The following ZSCAN12 variants were observed in gnomAD, a reference collection of about 807,000 sequenced individuals.
ZSCAN12 encodes the protein zinc finger and SCAN domain containing 12.
Under a neutral mutation model 23.4 loss-of-function variants are expected in ZSCAN12, and 18 were observed. The ratio of observed to expected loss-of-function variants is 0.77; its 90% confidence interval spans 0.53 to 1.14. The LOEUF (loss-of-function observed/expected upper bound fraction) is 1.14. Ranked by LOEUF, ZSCAN12 falls within the 50% of genes most tolerant of loss-of-function variation. ZSCAN12 has a pLI of 0.00. For synonymous variants in ZSCAN12, 186 were observed against 253.4 expected (o/e 0.73, Z 2.53); for missense variants, 650 against 735.0 (o/e 0.88, Z 1.34).
downstream of ZSCAN12, chr6:28,382,537 C>T (rs375774237): frequency 4.5e-5 from 70 of 1,551,788 alleles, no homozygotes; most frequent in Non-Finnish European, 5.8e-5. Flanking sequence ...TGAGAGAGCT[C>T]AGGAGAAGAT....
rs538703367 is a variant in ZSCAN12 at position 28,385,420 on chromosome 6, G to A, written c.*5034C>T. Among the ~76,000 whole-genome samples, 7 of 152,226 alleles carry A rather than the reference G, an allele frequency of 4.6e-5. No individual in the cohort carries two copies. In the East Asian group the frequency reaches 1.4e-3, roughly 29 times the overall value. On this transcript the variant is annotated 3_prime_UTR_variant, in exon 4 of 4. Transcript: ENST00000684592. ...AGGGGGTGATAATATTATTACCTGAGGTGTTTGGACTCCAGGACTTTCTGA... is the reference window on the plus strand; with the variant it reads ...AGGGGGTGATAATATTATTACCTGAAGTGTTTGGACTCCAGGACTTTCTGA...
Position 28,391,984 on chromosome 6 carries a change from G to A in ZSCAN12, c.548-242C>T, listed in dbSNP as rs1760864481. The stretch of plus-strand genomic sequence containing the variant: ...GTAGGAGGAAGAGACTAGGTGGCTG[G>A]GAAAATCGAGTAGAATAGAAACTTT... On this transcript the variant is annotated intron_variant, in intron 3 of 3. Coordinates refer to ENST00000684592, the MANE Select transcript of ZSCAN12 (RefSeq NM_001163391.2). The surrounding 1 kb of genome is among the most constrained non-coding windows in gnomAD (Gnocchi z 4.1). 6.6e-6 allele frequency among the ~76,000 whole-genome samples: 1 copy of A among 151,882 alleles called. No homozygotes were observed. The highest frequency in any genetic ancestry group is 1.5e-5 in the Non-Finnish European group (1 of 67,976).
rs1761197965 is a variant in ZSCAN12, at chr6:28,397,988, A to G, written c.402+16T>C. The G allele has an allele frequency of 1.9e-6, 3 of 1,544,260 alleles. No individual in the cohort carries two copies. The East Asian group carries it at 6.8e-5, about 35-fold the overall frequency. ...ATTTATGTTTTCTCAAGCAGAAGTC[A>G]CATCTTTTTTCTCACCTGCTCTCCT... On this transcript the variant is annotated intron_variant, in intron 2 of 3. Coordinates refer to ENST00000684592, the MANE Select transcript of ZSCAN12 (RefSeq NM_001163391.2).
chr6:28,392,863 A>T (rs1561961015), intron 3 of ZSCAN12, 39 bp downstream of exon 3: 11 of 1,549,866 alleles, frequency 7.1e-6, no homozygotes, highest in Non-Finnish European at 7.9e-6. Context: ...TATGTTACCC[A>T]TCTTCCCCTT....
downstream of ZSCAN12, chr6:28,382,657 T>A: frequency 1.3e-6 from 2 of 1,541,650 alleles, no homozygotes; most frequent in Non-Finnish European, 1.7e-6. Flanking sequence ...TTTGTTTACT[T>A]CTTTAGCCAA....
rs2113985690 is a variant in ZSCAN12, at chr6:28,392,781, T to A, written c.547+121A>T. ...TGTCTGAGAGTCTATATATGAGCCA[T>A]CAGATTCTGAGACGGCCTTTTTGAC... On this transcript the variant is annotated intron_variant, in intron 3 of 3. Transcript: ENST00000684592. 9 of 1,105,584 alleles carry A rather than the reference T, an allele frequency of 8.1e-6. No homozygotes were observed. In the East Asian group the frequency reaches 2.3e-4, roughly 29 times the overall value. 68.5% of individuals were successfully genotyped at this position (1,105,584 alleles called of 1,614,324 possible).
downstream of ZSCAN12, chr6:28,382,456 G>A: frequency 6.5e-7 from 1 of 1,542,396 alleles, no homozygotes; most frequent in Non-Finnish European, 8.7e-7. Flanking sequence ...CTTTGTTCTA[G>A]GCACAGCCTT....
In ZSCAN12 at chr6:28,389,951, T is replaced by C. The variant is rs1342676049; in HGVS notation, c.*503A>G. On this transcript the variant is annotated 3_prime_UTR_variant, in exon 4 of 4. Transcript: ENST00000684592. Reference sequence around the variant, plus strand: ...TTGATTGCCCAATTTGCACGAACCTTTTACTTCAGGTTGGCTAGTCTTTTC... The same window carrying C: ...TTGATTGCCCAATTTGCACGAACCTCTTACTTCAGGTTGGCTAGTCTTTTC... 6.6e-6 allele frequency among the ~76,000 whole-genome samples: 1 copy of C among 152,168 alleles called. No homozygotes were observed. Among genetic ancestry groups the C allele is most frequent in the Non-Finnish European group, 1.5e-5 (1 of 68,018 alleles).
At chr6:28,393,186 C>T in intron 2 of ZSCAN12, 140 bp from the exon 3 acceptor site, 1 of 873,676 alleles carries the variant, frequency 1.1e-6, no homozygotes, top group East Asian at 2.7e-5. Flanking sequence ...TTCTTCAAGG[C>T]CAATATAAAT....
In ZSCAN12 at chr6:28,393,045, AC is replaced by A; in HGVS notation, c.403del (p.Val135SerfsTer31). 6.4e-7 allele frequency: 1 copy of A among 1,551,436 alleles called. No homozygotes were observed. The highest frequency in any genetic ancestry group is 8.7e-7 in the Non-Finnish European group (1 of 1,146,892). Reference sequence around the variant, plus strand: ...TTCCTGTTCCCCAGTGTGGACTGAGACCTGAGGAAAATGAGATGTAGCTGAC... The same window carrying A: ...TTCCTGTTCCCCAGTGTGGACTGAGACTGAGGAAAATGAGATGTAGCTGAC... ...ERELDEPGEQVSVHTGEQEMF... is the reference protein window; with the variant it reads ...ERELDEPGEQXSVHTGEQEMF... On this transcript the variant is annotated frameshift_variant and splice_region_variant, in exon 3 of 4. Coordinates refer to ENST00000684592, the MANE Select transcript of ZSCAN12 (RefSeq NM_001163391.2). LOFTEE classifies it high-confidence loss of function.
At chr6:28,380,600 C>T (rs1052213), downstream of ZSCAN12, 1 of 153,722 alleles carries the variant, frequency 6.5e-6, no homozygotes. Context: ...AGCATTTTTC[C>T]TTGTGGTGGT....
intron 1 of ZSCAN12, 61 bp from the exon 2 acceptor site, chr6:28,398,534 G>A (rs1216095936): frequency 2.1e-6 from 2 of 950,828 alleles, no homozygotes; most frequent in Non-Finnish European, 1.5e-6. Flanking sequence ...TGCAAATTCT[G>A]AGAACTTAAC....
At chr6:28,394,588 C>T (rs1042424551) in intron 2 of ZSCAN12, among the ~76,000 whole-genome samples, 5 of 152,136 alleles carry the variant, frequency 3.3e-5, no homozygotes, top group Non-Finnish European at 5.9e-5. Context: ...TCTGGTCAGG[C>T]CTCAGAAATC....
At chr6:28,397,491 C>A (rs1761173829) in intron 2 of ZSCAN12, among the ~76,000 whole-genome samples, 1 of 152,164 alleles carries the variant, frequency 6.6e-6, no homozygotes, top group African/African-American at 2.4e-5. Flanking sequence ...CCTTTCCAAC[C>A]TAACTGGGCT....
rs1446765985 is a variant in ZSCAN12 at position 28,399,457 on chromosome 6, AT to A, written c.-69+199del. Among the ~76,000 whole-genome samples, 3 of 152,364 alleles carry A rather than the reference AT, an allele frequency of 2.0e-5. No individual in the cohort carries two copies. The East Asian group carries it at 5.8e-4, about 29-fold the overall frequency. ...GAAGGTATGGGCCTTACAGCCTGGAATTGCTGCAGAGACTGGGAGCCAAACC... is the reference window on the plus strand; with the variant it reads ...GAAGGTATGGGCCTTACAGCCTGGAATGCTGCAGAGACTGGGAGCCAAACC... On this transcript the variant is annotated intron_variant, in intron 1 of 3. Coordinates refer to ENST00000684592, the MANE Select transcript of ZSCAN12 (RefSeq NM_001163391.2).
At chr6:28,396,218 G>C (rs1561963541) in intron 2 of ZSCAN12, among the ~76,000 whole-genome samples, 1 of 151,776 alleles carries the variant, frequency 6.6e-6, no homozygotes, top group Non-Finnish European at 1.5e-5. Context: ...TCACTATGTT[G>C]CCCAGGCTGG....
In ZSCAN12 at chr6:28,391,923, C is replaced by T. The variant is rs2232428; in HGVS notation, c.548-181G>A. ...CATCAAAAAAATATCTGGAAGGACA[C>T]ACGAAAAATTAGTAACAGTTACAAC... On this transcript the variant is annotated intron_variant, in intron 3 of 3. Transcript: ENST00000684592. The surrounding 1 kb of genome is among the most constrained non-coding windows in gnomAD (Gnocchi z 4.1). 0.15 allele frequency among the ~76,000 whole-genome samples: 23,506 copies of T among 151,956 alleles called. 2,244 individuals are homozygous for T. The highest frequency in any genetic ancestry group is 0.27 in the African/African-American group (11,048 of 41,408).
intron 2 of ZSCAN12, among the ~76,000 whole-genome samples, chr6:28,394,936 G>GT (rs555409677): frequency 6.6e-4 from 99 of 151,020 alleles, no homozygotes; most frequent in Non-Finnish European, 7.7e-4. Flanking sequence ...TCCAAACCCT[G>GT]TTTTTTTTGT....
At position 28,390,887 on chromosome 6, in the gene ZSCAN12, G is replaced by A; in HGVS notation, c.1403C>T (p.Pro468Leu). The part of the protein sequence containing the change: ...QHQRIHTGEK[P>L]YKCDVCEKAF... ...TTTTTCACATACGTCACATTTGTAG[G>A]GTTTTTCCCCAGTGTGAATTCTCTG... Residue 468 changes from proline to leucine, a missense_variant, in exon 4 of 4, where the codon CCC (proline) becomes CTC (leucine). By Grantham distance (98) the Pro-to-Leu change is moderately conservative. Coordinates refer to ENST00000684592, the MANE Select transcript of ZSCAN12 (RefSeq NM_001163391.2). 6.4e-7 allele frequency: 1 copy of A among 1,572,148 alleles called. No homozygotes were observed. Among genetic ancestry groups the A allele is most frequent in the Non-Finnish European group, 8.6e-7 (1 of 1,158,232 alleles).
Sources: allele counts gnomAD v4.1 joint callset (sites outside exome capture counted in the v4.1 genomes callset), GRCh38; gene constraint gnomAD v4.1.1; non-coding constraint Gnocchi (gnomAD v3.1); transcripts MANE v1.5; gene names NCBI Gene and HGNC (gene_info 2026-07-23, HGNC 2026-07-21).